ADGRL2: variants seen among roughly 807,000 people sequenced by gnomAD.
ADGRL2 encodes adhesion G protein-coupled receptor L2, also known as calcium-independent alpha-latrotoxin receptor 2.
In ADGRL2, 44 loss-of-function variants were observed where a neutral mutation model predicts 157.4. The ratio of observed to expected loss-of-function variants is 0.28; its 90% CI spans 0.22 to 0.36. The LOEUF is 0.36. Among genes scored for constraint, ADGRL2 ranks in the 10% least tolerant of loss-of-function variants. The pLI is 1.00. For synonymous variants in ADGRL2, 585 were observed against 624.7 expected (o/e 0.94, Z 0.95); for missense variants, 1,510 against 1,768.9 (o/e 0.85, Z 2.63).
chr1:81,442,711 AT>A lies in ADGRL2; in HGVS notation c.-301-2321del, dbSNP rs556516706. Among the ~76,000 whole-genome samples, 337 of 152,342 alleles carry A rather than the reference AT, an allele frequency of 2.2e-3. 3 individuals carry two copies. Among genetic ancestry groups the A allele is most frequent in the African/African-American group, 7.8e-3 (324 of 41,584 alleles). On this transcript the variant is annotated intron_variant, in intron 1 of 24. Coordinates refer to the ADGRL2 transcript ENST00000370721. ...CTTTGGACTGCATCCAAGGACTGTC[AT>A]TTTGATGCTGATTTGCCAAGAACAA... is the stretch of plus-strand genomic sequence containing the variant.
chr1:81,863,347 C>T (rs2093442810), intron 2 of ADGRL2, among the ~76,000 whole-genome samples: 1 of 152,160 alleles, frequency 6.6e-6, no homozygotes, highest in African/African-American at 2.4e-5. Flanking sequence ...TTGGTTGTGG[C>T]ATTTCTCTGT....
At chr1:81,641,860 T>C (rs1045051607) in intron 3 of ADGRL2, among the ~76,000 whole-genome samples, 6 of 151,872 alleles carry the variant, frequency 4.0e-5, no homozygotes, top group Admixed American at 3.9e-4. Flanking sequence ...AAATTAAAAA[T>C]AGAAAATTAG....
At chr1:81,425,078 A>G (rs1429318148) in intron 1 of ADGRL2, among the ~76,000 whole-genome samples, 1 of 152,204 alleles carries the variant, frequency 6.6e-6, no homozygotes, top group Non-Finnish European at 1.5e-5. Flanking sequence ...AGGCTTTCTA[A>G]ATCCCCTAGC....
At chr1:81,454,526 G>T (rs772987678) in intron 2 of ADGRL2, among the ~76,000 whole-genome samples, 3 of 152,110 alleles carry the variant, frequency 2.0e-5, no homozygotes, top group Non-Finnish European at 4.4e-5. Flanking sequence ...AAATACTAGA[G>T]GGCTAATTGG....
chr1:81,714,697 A>C (rs1438216784), intron 1 of ADGRL2, among the ~76,000 whole-genome samples: 1 of 152,190 alleles, frequency 6.6e-6, no homozygotes, highest in Non-Finnish European at 1.5e-5. Flanking sequence ...ATTATAACTT[A>C]CTGATCAAGG....
intron 2 of ADGRL2, among the ~76,000 whole-genome samples, chr1:81,479,379 A>T (rs1226306839): frequency 1.3e-5 from 2 of 151,934 alleles, no homozygotes; most frequent in African/African-American, 4.8e-5. Context: ...GCTGCTCGGG[A>T]GGCTGAGGCA....
At chr1:81,897,633 T>C (rs2094415659) in intron 2 of ADGRL2, among the ~76,000 whole-genome samples, 1 of 152,188 alleles carries the variant, frequency 6.6e-6, no homozygotes, top group African/African-American at 2.4e-5. Flanking sequence ...TAGTAGTATT[T>C]GAAACTATCA....
At chr1:81,892,524 T>C (rs1318316396) in intron 2 of ADGRL2, among the ~76,000 whole-genome samples, 6 of 152,142 alleles carry the variant, frequency 3.9e-5, no homozygotes, top group Non-Finnish European at 8.8e-5. Flanking sequence ...CTATCTTTAA[T>C]CTGTTCTACT....
chr1:81,607,453 C>A (rs866842652), intron 3 of ADGRL2, among the ~76,000 whole-genome samples: 3 of 152,138 alleles, frequency 2.0e-5, no homozygotes. Flanking sequence ...CTTTTCTAAC[C>A]TAGACAAGGC....
In ADGRL2 at chr1:81,970,433, T is replaced by C. The variant is rs372024602; in HGVS notation, c.2853T>C (p.Tyr951=). The part of the protein sequence containing the change: ...LMLVEVFESE[Y]SRKKYYYVAG... ...TAGTTGAAGTTTTTGAAAGTGAATA[T>C]TCAAGGAAAAAATATTACTATGTTG... Residue 951 remains tyrosine, a synonymous_variant, in exon 16 of 24, where the codon TAT becomes TAC. Coordinates refer to ENST00000686636, the MANE Select transcript of ADGRL2 (RefSeq NM_001366006.2). 6.4e-7 allele frequency: 1 copy of C among 1,560,328 alleles called. No individual in the cohort carries two copies. The highest frequency in any genetic ancestry group is 8.6e-7 in the Non-Finnish European group (1 of 1,159,556).
chr1:81,309,639 T>C (rs917674965), intron 1 of ADGRL2, among the ~76,000 whole-genome samples: 2 of 152,184 alleles, frequency 1.3e-5, no homozygotes, highest in Non-Finnish European at 2.9e-5. Context: ...ATCTGTATTA[T>C]CATTATCACA....
At chr1:81,660,120 T>C (rs1425480435) in intron 3 of ADGRL2, among the ~76,000 whole-genome samples, 2 of 152,178 alleles carry the variant, frequency 1.3e-5, no homozygotes, top group Non-Finnish European at 2.9e-5. Context: ...TTCTAAGAAT[T>C]AGGCTTTAAA....
chr1:81,624,303 G>T (rs557234825), intron 3 of ADGRL2, among the ~76,000 whole-genome samples: 1 of 152,152 alleles, frequency 6.6e-6, no homozygotes, highest in African/African-American at 2.4e-5. Flanking sequence ...TTATCTGGCC[G>T]GGTGCGGTGG....
intron 2 of ADGRL2, among the ~76,000 whole-genome samples, chr1:81,860,126 A>G (rs2093344090): frequency 6.6e-6 from 1 of 152,224 alleles, no homozygotes; most frequent in South Asian, 2.1e-4. Flanking sequence ...CAGGAGGCTG[A>G]GGCAGGAGAA....
intron 1 of ADGRL2, among the ~76,000 whole-genome samples, chr1:81,364,964 G>A (rs527300397): frequency 4.6e-5 from 7 of 152,074 alleles, no homozygotes; most frequent in East Asian, 3.9e-4. Context: ...GCCCCCAGCC[G>A]GTAATTAATA....
intron 3 of ADGRL2, among the ~76,000 whole-genome samples, chr1:81,614,074 C>T (rs1216572514): frequency 6.6e-6 from 1 of 152,174 alleles, no homozygotes; most frequent in Non-Finnish European, 1.5e-5. Flanking sequence ...CTGAACACTT[C>T]CACTTAGTTC....
intron 1 of ADGRL2, among the ~76,000 whole-genome samples, chr1:81,728,355 A>G (rs546918592): frequency 3.9e-4 from 60 of 152,336 alleles, no homozygotes; most frequent in African/African-American, 1.4e-3. Flanking sequence ...AAATCACATG[A>G]CTAGAGAAGC....
chr1:81,358,317 G>A (rs1663463743), intron 1 of ADGRL2, among the ~76,000 whole-genome samples: 1 of 152,282 alleles, frequency 6.6e-6, no homozygotes, highest in South Asian at 2.1e-4. Context: ...GAAGGAAAGT[G>A]GTGACCTCGG....
intron 1 of ADGRL2, among the ~76,000 whole-genome samples, chr1:81,380,771 A>G (rs1194999871): frequency 6.6e-6 from 1 of 152,096 alleles, no homozygotes; most frequent in Non-Finnish European, 1.5e-5. Context: ...ATAACCTTAT[A>G]ATGTATTTGG....
Sources: gnomAD v4.1 joint callset for allele counts (sites outside exome capture counted in the v4.1 genomes callset) on GRCh38, gnomAD v4.1.1 for gene constraint, MANE v1.5 for transcripts, NCBI Gene and HGNC (gene_info 2026-07-23, HGNC 2026-07-21) for gene names.